The following CNTN4 variants were observed in gnomAD, a reference collection of about 807,000 sequenced individuals.
CNTN4 encodes contactin-4.
Under a neutral mutation model 122.5 loss-of-function variants are expected in CNTN4, and 77 were observed. The observed-to-expected ratio is 0.63, with a 90% confidence interval of 0.52 to 0.76. CNTN4 has a LOEUF of 0.76. Ranked by LOEUF, CNTN4 falls within the 30% of genes least tolerant of loss-of-function variation. CNTN4 has a pLI of 0.00. For missense variants in CNTN4, 1,256 were observed against 1,259.1 expected, an observed-to-expected ratio of 1.00 and a Z score of 0.04; for synonymous variants, 512 against 447.0, an observed-to-expected ratio of 1.15 and a Z score of -1.83.
intron 4 of CNTN4, among the ~76,000 whole-genome samples, chr3:2,724,865 G>A (rs1187037305): frequency 1.3e-5 from 2 of 152,080 alleles, no homozygotes; most frequent in Non-Finnish European, 2.9e-5. Context: ...CACTTTGGTC[G>A]TACTTTTGTT....
intron 3 of CNTN4, among the ~76,000 whole-genome samples, chr3:2,570,902 T>C (rs1412869192): frequency 6.6e-6 from 1 of 152,194 alleles, no homozygotes; most frequent in East Asian, 1.9e-4. Context: ...TGTGGCATGT[T>C]AGAAGTGAAA....
At chr3:2,151,610 TGAGAATTGGGGCCTTTAA>T (rs1473542391) in intron 2 of CNTN4, among the ~76,000 whole-genome samples, 1 of 152,198 alleles carries the variant, frequency 6.6e-6, no homozygotes, top group Non-Finnish European at 1.5e-5. Context: ...GTAGCAGAAT[TGAGAATTGGGGCCTTTAA>T]GAGGTGATTA....
intron 2 of CNTN4, among the ~76,000 whole-genome samples, chr3:2,256,776 A>G (rs1241798337): frequency 6.6e-6 from 1 of 152,216 alleles, no homozygotes; most frequent in Non-Finnish European, 1.5e-5. Flanking sequence ...ACCACTGCTC[A>G]AGGAAATAAC....
chr3:2,816,920 A>G (rs1371834798), intron 6 of CNTN4, among the ~76,000 whole-genome samples: 1 of 151,956 alleles, frequency 6.6e-6, no homozygotes, highest in Admixed American at 6.5e-5. Flanking sequence ...ATAAAAATAT[A>G]TGTGGAAACA....
rs530487960 is a variant in CNTN4, at chr3:2,999,492, G to A, written c.1486+11020G>A. On this transcript the variant is annotated intron_variant, in intron 14 of 24. Coordinates refer to ENST00000418658, the MANE Select transcript of CNTN4 (RefSeq NM_175607.3). ...TAGCAGCTTCTTTCTCATGGCTCTC[G>A]GGGCTGGGAAGTCCAAGATCAAGGT... Among the ~76,000 whole-genome samples, 597 of 152,140 alleles carry A rather than the reference G, an allele frequency of 3.9e-3. 1 individual carries two copies. Among genetic ancestry groups the A allele is most frequent in the Non-Finnish European group, 6.8e-3 (459 of 67,996 alleles).
At chr3:2,154,870 G>A (rs1354708710) in intron 2 of CNTN4, among the ~76,000 whole-genome samples, 1 of 152,230 alleles carries the variant, frequency 6.6e-6, no homozygotes, top group East Asian at 1.9e-4. Flanking sequence ...CGGAGGAAAT[G>A]AAATCACTAG....
intron 3 of CNTN4, among the ~76,000 whole-genome samples, chr3:2,502,318 G>A (rs1278371389): frequency 6.6e-6 from 1 of 152,092 alleles, no homozygotes; most frequent in Non-Finnish European, 1.5e-5. Flanking sequence ...CATTCCTCTA[G>A]TATCCCAGTT....
chr3:2,882,735 T>C (rs1477360565), intron 8 of CNTN4: 1 of 204,706 alleles, frequency 4.9e-6, no homozygotes, highest in Admixed American at 5.3e-5. Flanking sequence ...TATATAGACA[T>C]AATTAAGCAT....
At chr3:2,811,422 A>G (rs1314046989) in intron 6 of CNTN4, among the ~76,000 whole-genome samples, 2 of 144,880 alleles carry the variant, frequency 1.4e-5, no homozygotes, top group East Asian at 4.0e-4. Context: ...AAAAAAAAAA[A>G]GTTTTGGTCC....
At chr3:2,885,151 G>T (rs1018369546) in intron 9 of CNTN4, among the ~76,000 whole-genome samples, 1 of 152,140 alleles carries the variant, frequency 6.6e-6, no homozygotes. Context: ...CAAGTCTTTA[G>T]TCTAATTACT....
chr3:2,658,079 A>G (rs2083680095), intron 4 of CNTN4, among the ~76,000 whole-genome samples: 2 of 149,460 alleles, frequency 1.3e-5, no homozygotes, highest in Admixed American at 1.3e-4. Flanking sequence ...GTGTTATTTC[A>G]TTTAATGCTG....
intron 3 of CNTN4, among the ~76,000 whole-genome samples, chr3:2,505,233 G>T (rs112416438): frequency 6.6e-6 from 1 of 152,128 alleles, no homozygotes; most frequent in Non-Finnish European, 1.5e-5. Context: ...CTAAAAATGA[G>T]TATGACAGAG....
chr3:2,803,701 T>G (rs1199639349), intron 6 of CNTN4, among the ~76,000 whole-genome samples: 1 of 151,896 alleles, frequency 6.6e-6, no homozygotes, highest in African/African-American at 2.4e-5. Flanking sequence ...CTGGGATTAC[T>G]GGTGCCTGCC....
chr3:2,897,766 T>C (rs2151103925), intron 10 of CNTN4, among the ~76,000 whole-genome samples: 1 of 152,318 alleles, frequency 6.6e-6, no homozygotes, highest in South Asian at 2.1e-4. Context: ...GTGTGAAATT[T>C]TCCACTTGTG....
intron 3 of CNTN4, among the ~76,000 whole-genome samples, chr3:2,438,359 T>C (rs1298636642): frequency 6.6e-6 from 1 of 152,118 alleles, no homozygotes; most frequent in Non-Finnish European, 1.5e-5. Flanking sequence ...CCATCTCTAC[T>C]GAAAATACAA....
intron 3 of CNTN4, among the ~76,000 whole-genome samples, chr3:2,424,304 G>A (rs1008497374): frequency 3.0e-4 from 43 of 145,454 alleles, no homozygotes; most frequent in African/African-American, 1.0e-3. Flanking sequence ...CTATGAGTGA[G>A]AACATGTGAT....
At chr3:2,285,612 C>T (rs1195057166) in intron 2 of CNTN4, among the ~76,000 whole-genome samples, 2 of 151,948 alleles carry the variant, frequency 1.3e-5, no homozygotes, top group Admixed American at 1.3e-4. Flanking sequence ...CTTCTCCTAC[C>T]CCTTATTTTT....
Position 2,281,088 on chromosome 3 carries a change from C to G in CNTN4, c.-144-58090C>G, listed in dbSNP as rs954970482. On this transcript the variant is annotated intron_variant, in intron 2 of 24. Coordinates refer to ENST00000418658, the MANE Select transcript of CNTN4 (RefSeq NM_175607.3). The stretch of plus-strand genomic sequence containing the variant: ...CTGTGACCTAACAAGCAAAGTTACA[C>G]AAGTCATCCCTGGTCACATAAGAGG... Among the ~76,000 whole-genome samples, 9 of 152,200 alleles carry G rather than the reference C, an allele frequency of 5.9e-5. No homozygotes were observed. The South Asian group carries it at 1.4e-3, about 24-fold the overall frequency.
At chr3:2,621,257 C>G (rs1038638161) in intron 4 of CNTN4, among the ~76,000 whole-genome samples, 3 of 152,210 alleles carry the variant, frequency 2.0e-5, no homozygotes, top group Non-Finnish European at 2.9e-5. Context: ...TGCCTCAACA[C>G]ATTCTGGAAG....
Sources: gnomAD v4.1 joint callset for allele counts (sites outside exome capture counted in the v4.1 genomes callset) on GRCh38, gnomAD v4.1.1 for gene constraint, MANE v1.5 for transcripts, NCBI Gene and HGNC (gene_info 2026-07-23, HGNC 2026-07-21) for gene names.